The following RPGRIP1L variants were observed in gnomAD, a reference collection of about 807,000 sequenced individuals.
The protein encoded by RPGRIP1L is RPGRIP1 like, also known as protein fantom.
In RPGRIP1L, 131 loss-of-function variants were observed where a neutral mutation model predicts 160.4. That is an observed-to-expected ratio of 0.82 (90% CI 0.71 to 0.94). The LOEUF is 0.94. Ranked by LOEUF, RPGRIP1L falls within the 40% of genes least tolerant of loss-of-function variation. The pLI, the probability that RPGRIP1L is intolerant of heterozygous loss-of-function variation, is 0.00. For synonymous variants in RPGRIP1L, 510 were observed against 515.8 expected, an observed-to-expected ratio of 0.99 and a Z score of 0.15; for missense variants, 1,522 against 1,535.8, an observed-to-expected ratio of 0.99 and a Z score of 0.15.
chr16:53,697,553 G>A (rs771271575), intron 2 of RPGRIP1L, among the ~76,000 whole-genome samples: 6 of 152,216 alleles, frequency 3.9e-5, no homozygotes, highest in African/African-American at 1.2e-4. Flanking sequence ...TGGTGGAGAC[G>A]GGGTTTCGCT....
At chr16:53,628,574 T>G (rs371439289) in intron 22 of RPGRIP1L, 1 of 152,194 alleles carries the variant, frequency 6.6e-6, no homozygotes, top group South Asian at 2.1e-4. Flanking sequence ...ACTGTTTAAC[T>G]GTTTATTTTA....
chr16:53,625,792 T>C (rs1194360488), intron 22 of RPGRIP1L, among the ~76,000 whole-genome samples: 1 of 152,188 alleles, frequency 6.6e-6, no homozygotes, highest in Non-Finnish European at 1.5e-5. Flanking sequence ...TTTTGTTCTG[T>C]ACTAAGAAAA....
At chr16:53,642,068 A>AGT (rs1966254762) in intron 17 of RPGRIP1L, among the ~76,000 whole-genome samples, 3 of 152,166 alleles carry the variant, frequency 2.0e-5, no homozygotes, top group Non-Finnish European at 4.4e-5. Context: ...CATCTACAAC[A>AGT]AATAGCAGTA....
chr16:53,671,621 A>G (rs1325151693), intron 8 of RPGRIP1L, 38 bp from the exon 9 acceptor site: 1 of 1,067,870 alleles, frequency 9.4e-7, no homozygotes, highest in South Asian at 1.4e-5. Context: ...AGTAAATATT[A>G]TATAAAACCA....
intron 22 of RPGRIP1L, among the ~76,000 whole-genome samples, chr16:53,629,007 TATAA>T (rs1346692898): frequency 2.0e-5 from 3 of 152,146 alleles, no homozygotes; most frequent in Non-Finnish European, 4.4e-5. Flanking sequence ...TATAAATGTG[TATAA>T]ATAGATACAA....
rs1964555100 is a variant in RPGRIP1L at position 53,619,090 on chromosome 16, T to C, written c.3551A>G (p.Glu1184Gly). The C allele has an allele frequency of 6.2e-7, 1 of 1,614,140 alleles. No homozygotes were observed. The highest frequency in any genetic ancestry group is 8.5e-7 in the Non-Finnish European group (1 of 1,180,004). Residue 1184 changes from glutamate to glycine, a missense_variant, in exon 24 of 27, where the codon GAA becomes GGA. By Grantham distance (98) the Glu-to-Gly change is moderately conservative. Coordinates refer to ENST00000647211, the MANE Select transcript of RPGRIP1L (RefSeq NM_015272.5). ...VECRFYSLPA[E>G]ETPVSLPKPK... ...TTTTGGAAGTGACACGGGTGTCTCT[T>C]CAGCAGGAAGACTGTAGAATCGACA...
intron 25 of RPGRIP1L, among the ~76,000 whole-genome samples, chr16:53,610,085 G>A (rs1269124202): frequency 6.6e-6 from 1 of 152,022 alleles, no homozygotes; most frequent in Admixed American, 6.6e-5. Context: ...AATGGAGACA[G>A]AAAAGGGGTA....
chr16:53,649,169 T>G lies in RPGRIP1L; in HGVS notation c.2153-54A>C, dbSNP rs982796460. The G allele has an allele frequency of 2.7e-6, 4 of 1,490,400 alleles. No individual in the cohort carries two copies. In the African/African-American group the frequency reaches 4.2e-5, roughly 15 times the overall value. The allele number at this position is 1,490,400 out of a possible 1,614,324, so 92.3% of individuals were successfully genotyped here. On this transcript the variant is annotated intron_variant, in intron 15 of 26. Coordinates refer to ENST00000647211, the MANE Select transcript of RPGRIP1L (RefSeq NM_015272.5). ...AAATAGTTTCATACATTAAAATAGA[T>G]AGCAGTAAAAATACATCAATGGCAT...
At chr16:53,643,230 C>T (rs927379409) in intron 17 of RPGRIP1L, among the ~76,000 whole-genome samples, 9 of 150,520 alleles carry the variant, frequency 6.0e-5, no homozygotes, top group African/African-American at 1.7e-4. Flanking sequence ...ATTGCTAGAA[C>T]GTGGGAAGAG....
Position 53,686,774 on chromosome 16 carries a change from G to A in RPGRIP1L, c.633-198C>T, listed in dbSNP as rs144994289. ...TACATACGGAACAATGCAAGATACT[G>A]CTTTTTATAAGATAATGTCCTAGGC... On this transcript the variant is annotated intron_variant, in intron 5 of 26. Transcript: ENST00000647211. Among the ~76,000 whole-genome samples, 42 of 152,288 alleles carry A rather than the reference G, an allele frequency of 2.8e-4. No homozygotes were observed. The East Asian group carries it at 6.6e-3, about 24-fold the overall frequency.
chr16:53,656,476 T>C lies in RPGRIP1L; in HGVS notation c.1695A>G (p.Leu565=), dbSNP rs1440813134. The C allele has an allele frequency of 1.9e-6, 3 of 1,599,068 alleles. No homozygotes were observed. The highest frequency in any genetic ancestry group is 1.3e-5 in the African/African-American group (1 of 74,744). The change falls in exon 14 of 27, where the codon CTA becomes CTG. Residue 565 remains leucine, a synonymous_variant. Coordinates refer to ENST00000647211, the MANE Select transcript of RPGRIP1L (RefSeq NM_015272.5). ...AAAAAATCGTATATGTTGTACCTTC[T>C]AGTTTATGGATACGTGCAGCCCTGA... is the stretch of plus-strand genomic sequence containing the variant. ...LDIRAARIHK[L]EAQLKDIAYG... is the part of the protein sequence containing the mutation.
At chr16:53,624,780 G>A (rs537846152) in intron 22 of RPGRIP1L, among the ~76,000 whole-genome samples, 616 of 59,672 alleles carry the variant, frequency 0.01, 6 homozygotes, top group African/African-American at 0.038. Flanking sequence ...CCTCCCCCTC[G>A]TCTCAGTCTC....
Position 53,692,144 on chromosome 16 carries a change from T to G in RPGRIP1L, c.451A>C (p.Asn151His). Residue 151 changes from asparagine to histidine, a missense_variant, in exon 4 of 27, where the codon AAT (asparagine) becomes CAT (histidine). Transcript: ENST00000647211. ...GTGTTAATACGAGATTGTACATTAT[T>G]GTATGGAGTTTGCCTGTAACCCTGG... ...QTQGYRQTPY[N>H]NVQSRINTGR... 1 of 1,614,138 alleles carries G rather than the reference T, an allele frequency of 6.2e-7. No individual in the cohort carries two copies. Among genetic ancestry groups the G allele is most frequent in the South Asian group, 1.1e-5 (1 of 91,076 alleles).
chr16:53,670,877 T>C (rs908328028), intron 9 of RPGRIP1L, among the ~76,000 whole-genome samples: 1 of 152,112 alleles, frequency 6.6e-6, no homozygotes, highest in African/African-American at 2.4e-5. Context: ...GGAGGATCAC[T>C]TGAGCCCAGG....
At chr16:53,671,461 A>G in intron 9 of RPGRIP1L, 49 bp downstream of exon 9, 1 of 1,196,290 alleles carries the variant, frequency 8.4e-7, no homozygotes, top group Non-Finnish European at 1.2e-6. Context: ...GCTTACATAT[A>G]AAAGAGCTCA....
At chr16:53,662,672 G>C (rs150236515) in intron 10 of RPGRIP1L, among the ~76,000 whole-genome samples, 2 of 152,076 alleles carry the variant, frequency 1.3e-5, no homozygotes, top group East Asian at 3.9e-4. Context: ...ATGGTTAAAG[G>C]CTGTAATATT....
Position 53,605,590 on chromosome 16 carries a change from G to T in RPGRIP1L, c.3726C>A (p.Asp1242Glu). The T allele has an allele frequency of 1.9e-6, 3 of 1,614,142 alleles. No homozygotes were observed. Among genetic ancestry groups the T allele is most frequent in the African/African-American group, 1.3e-5 (1 of 75,050 alleles). Residue 1242 changes from aspartate (D) to glutamate (E), a missense_variant, in exon 26 of 27, where the codon GAC (aspartate) becomes GAA (glutamate). Asp to Glu is a conservative substitution (Grantham distance 45, BLOSUM62 2). Coordinates refer to ENST00000647211, the MANE Select transcript of RPGRIP1L (RefSeq NM_015272.5). ...CCAGGTCCTGCTCGTCCTCTGGAGG[G>T]TCACTGACCACGGTGAAGCGAAGGC... ...NRSLRFTVVS[D>E]PPEDEQDLEC...
Position 53,611,063 on chromosome 16 carries a change from GAA to G in RPGRIP1L, c.3617-14_3617-13del. ...ATCCACGTAGATCACTATACCAAAAGAAAAAAAAATGCCAAAAAGGAAGTCAC... is the reference window on the plus strand; with the variant it reads ...ATCCACGTAGATCACTATACCAAAAGAAAAAAATGCCAAAAAGGAAGTCAC... On this transcript the variant is annotated splice_polypyrimidine_tract_variant and intron_variant, in intron 24 of 26. Transcript: ENST00000647211. The G allele has an allele frequency of 6.4e-7, 1 of 1,573,338 alleles. No individual in the cohort carries two copies. Among genetic ancestry groups the G allele is most frequent in the Non-Finnish European group, 8.7e-7 (1 of 1,148,586 alleles).
Position 53,664,904 on chromosome 16 carries a change from T to C in RPGRIP1L, c.1209A>G (p.Lys403=). 6.2e-7 allele frequency: 1 copy of C among 1,612,514 alleles called. No homozygotes were observed. Among genetic ancestry groups the C allele is most frequent in the Non-Finnish European group, 8.5e-7 (1 of 1,179,916 alleles). The change falls in exon 10 of 27, where the codon AAA becomes AAG. Residue 403 remains lysine (K), a synonymous_variant. Coordinates refer to ENST00000647211, the MANE Select transcript of RPGRIP1L (RefSeq NM_015272.5). Reference sequence around the variant, plus strand: ...TTTTTAATCTGTCAAGGATTTCAGTTTTGTCTGTTAAGTCAGACTTCAAGG... The same window carrying C: ...TTTTTAATCTGTCAAGGATTTCAGTCTTGTCTGTTAAGTCAGACTTCAAGG... The part of the protein sequence containing the change: ...ETALKSDLTD[K]TEILDRLKTE...
Sources: allele counts gnomAD v4.1 joint callset (sites outside exome capture counted in the v4.1 genomes callset), GRCh38; gene constraint gnomAD v4.1.1; transcripts MANE v1.5; gene names NCBI Gene and HGNC (gene_info 2026-07-23, HGNC 2026-07-21).